Variants in NFYC observed in about 807,000 individuals in gnomAD.
The protein encoded by NFYC is CAAT box DNA-binding protein subunit C.
In NFYC, 25 loss-of-function variants were observed where a neutral mutation model predicts 53.1. That is an observed-to-expected ratio of 0.47 (90% confidence interval 0.34 to 0.66). NFYC has a LOEUF of 0.66. Among genes scored for constraint, NFYC ranks in the 30% least tolerant of loss-of-function variants. The pLI, the probability that NFYC is intolerant of heterozygous loss-of-function variation, is 0.01. For synonymous variants in NFYC, 145 were observed against 152.6 expected, an observed-to-expected ratio of 0.95 and a Z score of 0.37; for missense variants, 260 against 422.7, an observed-to-expected ratio of 0.62 and a Z score of 3.38.
At chr1:40,698,427 A>T (rs936355593) in intron 1 of NFYC, among the ~76,000 whole-genome samples, 4 of 151,070 alleles carry the variant, frequency 2.6e-5, no homozygotes, top group Non-Finnish European at 4.4e-5. Context: ...AATGAATGCC[A>T]TTCATTCATT....
chr1:40,741,191 T>TC (rs1645324204), intron 2 of NFYC, among the ~76,000 whole-genome samples: 1 of 152,182 alleles, frequency 6.6e-6, no homozygotes. Context: ...ATGTTTTTTT[T>TC]CCACTTTACA....
In NFYC at chr1:40,771,206, A is replaced by G. The variant is rs550556462; in HGVS notation, c.*378A>G. 33 of 300,304 alleles carry G rather than the reference A, an allele frequency of 1.1e-4. No homozygotes were observed. In the East Asian group the frequency reaches 2.6e-3, roughly 24 times the overall value. 18.6% of individuals were successfully genotyped at this position (300,304 alleles called of 1,614,324 possible). On this transcript the variant is annotated 3_prime_UTR_variant, in exon 10 of 10. Coordinates refer to ENST00000447388, the MANE Select transcript of NFYC (RefSeq NM_014223.5). The stretch of plus-strand genomic sequence containing the variant: ...TTACTGCCACTTCTTTTTAGGAGCA[A>G]ATCTCCCCAGGGGTGTACGGTATTT...
At chr1:40,769,939 A>G (rs973298517) in intron 9 of NFYC, among the ~76,000 whole-genome samples, 3 of 152,184 alleles carry the variant, frequency 2.0e-5, no homozygotes, top group Non-Finnish European at 4.4e-5. Flanking sequence ...GAGACCACTG[A>G]GGACATGATA....
intron 1 of NFYC, among the ~76,000 whole-genome samples, chr1:40,737,741 A>G (rs1185388286): frequency 6.6e-6 from 1 of 152,158 alleles, no homozygotes; most frequent in African/African-American, 2.4e-5. Context: ...ACTGGCAAGT[A>G]GTTTCATTTC....
chr1:40,712,017 C>T (rs755673406), intron 1 of NFYC, among the ~76,000 whole-genome samples: 3 of 152,064 alleles, frequency 2.0e-5, no homozygotes, highest in African/African-American at 4.8e-5. Flanking sequence ...GATTTAGTGG[C>T]GAGTCTTGAA....
intron 6 of NFYC, among the ~76,000 whole-genome samples, chr1:40,758,904 C>T (rs187157993): frequency 6.6e-6 from 1 of 152,318 alleles, no homozygotes; most frequent in African/African-American, 2.4e-5. Flanking sequence ...ATTATTTATT[C>T]ATCAAACACT....
intron 2 of NFYC, among the ~76,000 whole-genome samples, chr1:40,746,934 C>A (rs944663448): frequency 3.9e-5 from 6 of 152,160 alleles, no homozygotes; most frequent in African/African-American, 9.7e-5. Context: ...CCTCTACCCC[C>A]ACTTGAAACA....
chr1:40,739,013 A>G, intron 2 of NFYC, 65 bp downstream of exon 2: 2 of 1,146,238 alleles, frequency 1.7e-6, no homozygotes, highest in South Asian at 2.6e-5. Context: ...TGGGAAATTA[A>G]CCAAAACTCA....
intron 2 of NFYC, among the ~76,000 whole-genome samples, chr1:40,744,513 G>T (rs568492094): frequency 1.4e-4 from 21 of 152,304 alleles, no homozygotes; most frequent in Non-Finnish European, 2.6e-4. Context: ...CTTCAGTGCA[G>T]CCCAAGATCT....
chr1:40,724,383 A>G (rs533759581), intron 1 of NFYC, among the ~76,000 whole-genome samples: 105 of 152,338 alleles, frequency 6.9e-4, no homozygotes, highest in African/African-American at 2.3e-3. Flanking sequence ...AAATGAATAA[A>G]TAAATAAATA....
chr1:40,745,966 T>G (rs1272946397), intron 2 of NFYC, among the ~76,000 whole-genome samples: 3 of 152,092 alleles, frequency 2.0e-5, no homozygotes, highest in Non-Finnish European at 4.4e-5. Flanking sequence ...ATCTCAGCCT[T>G]CCAGAGTGCT....
intron 1 of NFYC, among the ~76,000 whole-genome samples, chr1:40,724,288 A>G (rs1311262776): frequency 6.6e-6 from 1 of 152,126 alleles, no homozygotes; most frequent in African/African-American, 2.4e-5. Flanking sequence ...GAATCGCTTG[A>G]ACCCGGGAGG....
At chr1:40,751,929 C>T (rs1645935936) in intron 4 of NFYC, among the ~76,000 whole-genome samples, 1 of 151,976 alleles carries the variant, frequency 6.6e-6, no homozygotes, top group East Asian at 1.9e-4. Flanking sequence ...TCGTCAAGCT[C>T]GTGGTTGGCA....
At chr1:40,727,033 G>T (rs1352679428) in intron 1 of NFYC, among the ~76,000 whole-genome samples, 1 of 152,158 alleles carries the variant, frequency 6.6e-6, no homozygotes, top group Non-Finnish European at 1.5e-5. Context: ...TCACATCTCA[G>T]GCTCCGCTTC....
At chr1:40,693,277 C>T (rs976567322) in intron 1 of NFYC, among the ~76,000 whole-genome samples, 1 of 152,120 alleles carries the variant, frequency 6.6e-6, no homozygotes, top group Non-Finnish European at 1.5e-5. Flanking sequence ...TTCCAGTCAA[C>T]TTGTTGGGAA....
At position 40,770,204 on chromosome 1, in the gene NFYC, G is replaced by C; in HGVS notation, c.889-505G>C. On this transcript the variant is annotated intron_variant, in intron 9 of 9. Coordinates refer to ENST00000447388, the MANE Select transcript of NFYC (RefSeq NM_014223.5). The surrounding 1 kb of genome is among the most constrained non-coding windows in gnomAD (Gnocchi z 5.3). Reference sequence around the variant, plus strand: ...GCTATAGTTAAGTGTTTAATACCAGGCCACCTCCTTAGCAGGGTCCATGGA... The same window carrying C: ...GCTATAGTTAAGTGTTTAATACCAGCCCACCTCCTTAGCAGGGTCCATGGA... 1 of 622,120 alleles carries C rather than the reference G, an allele frequency of 1.6e-6. No individual in the cohort carries two copies. 38.5% of individuals were successfully genotyped at this position (622,120 alleles called of 1,614,324 possible).
At position 40,736,568 on chromosome 1, in the gene NFYC, C is replaced by T. The variant is rs541602810; in HGVS notation, c.-8-2268C>T. Among the ~76,000 whole-genome samples the T allele has an allele frequency of 2.4e-4, 36 of 152,204 alleles. 2 individuals carry two copies. The South Asian group carries it at 7.5e-3, about 32-fold the overall frequency. ...GCACGTTAAACCTTTTCAAATAATT[C>T]CTCAGAATAGAGATTCTTAGGAGAG... On this transcript the variant is annotated intron_variant, in intron 1 of 9. Transcript: ENST00000447388.
intron 5 of NFYC, chr1:40,754,239 G>A: frequency 5.7e-6 from 3 of 530,352 alleles, no homozygotes; most frequent in South Asian, 4.2e-5. Context: ...TAGGAGAAGT[G>A]GGCATCCTAA....
chr1:40,703,311 G>C (rs1035249697), intron 1 of NFYC, among the ~76,000 whole-genome samples: 3 of 150,114 alleles, frequency 2.0e-5, no homozygotes, highest in African/African-American at 7.4e-5. Context: ...GCAATATGGG[G>C]AGACCCTGTC....
Sources: allele counts gnomAD v4.1 joint callset (sites outside exome capture counted in the v4.1 genomes callset), GRCh38; gene constraint gnomAD v4.1.1; non-coding constraint Gnocchi (gnomAD v3.1); transcripts MANE v1.5; gene names NCBI Gene and HGNC (gene_info 2026-07-23, HGNC 2026-07-21).